Variants in TTC28 observed in about 807,000 individuals in gnomAD.
TTC28 encodes tetratricopeptide repeat domain 28.
In TTC28, 61 loss-of-function variants were observed where a neutral mutation model predicts 198.0. The observed-to-expected ratio is 0.31, with a 90% CI of 0.25 to 0.38. The LOEUF (loss-of-function observed/expected upper bound fraction) is 0.38. Ranked by LOEUF, TTC28 falls within the 10% of genes least tolerant of loss-of-function variation. TTC28 has a pLI of 1.00. For missense variants in TTC28, 2,678 were observed against 3,164.0 expected (o/e 0.85, Z 3.69); for synonymous variants, 1,171 against 1,297.8 (o/e 0.90, Z 2.10).
At chr22:28,148,469 T>C (rs1943525347) in intron 6 of TTC28, among the ~76,000 whole-genome samples, 1 of 151,994 alleles carries the variant, frequency 6.6e-6, no homozygotes, top group East Asian at 1.9e-4. Context: ...AAAAGTTAGC[T>C]AGGCGCGGTG....
chr22:28,410,096 A>AT (rs1414020870), intron 2 of TTC28, among the ~76,000 whole-genome samples: 2 of 151,752 alleles, frequency 1.3e-5, no homozygotes, highest in Non-Finnish European at 2.9e-5. Flanking sequence ...TGATTTTTGT[A>AT]TTTTTTGTAG....
chr22:28,372,578 T>C (rs573411409), intron 2 of TTC28, among the ~76,000 whole-genome samples: 7 of 151,804 alleles, frequency 4.6e-5, no homozygotes, highest in Non-Finnish European at 1.0e-4. Context: ...AAGACACTGA[T>C]GTCTATTTGT....
chr22:28,090,736 A>G (rs1439121976), intron 12 of TTC28, among the ~76,000 whole-genome samples: 1 of 152,242 alleles, frequency 6.6e-6, no homozygotes, highest in African/African-American at 2.4e-5. Flanking sequence ...AAATTTGTAG[A>G]TGAAAAATAA....
At chr22:28,567,380 C>A (rs1407371737) in intron 2 of TTC28, among the ~76,000 whole-genome samples, 1 of 146,120 alleles carries the variant, frequency 6.8e-6, no homozygotes, top group Non-Finnish European at 1.5e-5. Context: ...CACAGCAAGA[C>A]CCTGTCTCAA....
chr22:28,219,442 G>C (rs1052310882), intron 5 of TTC28, among the ~76,000 whole-genome samples: 2 of 151,880 alleles, frequency 1.3e-5, no homozygotes, highest in African/African-American at 4.8e-5. Context: ...CTGGAGGCAG[G>C]GGTTGCAGTG....
At chr22:28,213,868 G>A (rs1040500511) in intron 5 of TTC28, among the ~76,000 whole-genome samples, 7 of 152,124 alleles carry the variant, frequency 4.6e-5, no homozygotes, top group African/African-American at 7.2e-5. Context: ...CACGCTACCC[G>A]ACTTCAAACT....
intron 1 of TTC28, among the ~76,000 whole-genome samples, chr22:28,637,672 A>C (rs2051298160): frequency 6.6e-6 from 1 of 152,178 alleles, no homozygotes; most frequent in South Asian, 2.1e-4. Flanking sequence ...TAATTACTTT[A>C]AGTGTAAATG....
intron 2 of TTC28, among the ~76,000 whole-genome samples, chr22:28,574,960 T>C (rs1477306998): frequency 6.6e-6 from 1 of 152,206 alleles, no homozygotes; most frequent in African/African-American, 2.4e-5. Context: ...GCAAATATCT[T>C]CTCCCACTCT....
chr22:28,570,840 A>C (rs2050048235), intron 2 of TTC28, among the ~76,000 whole-genome samples: 1 of 152,226 alleles, frequency 6.6e-6, no homozygotes, highest in African/African-American at 2.4e-5. Flanking sequence ...GTTGCCTCGA[A>C]AGATCAAGAA....
intron 5 of TTC28, among the ~76,000 whole-genome samples, chr22:28,257,421 C>T (rs1442281569): frequency 1.3e-5 from 2 of 151,712 alleles, no homozygotes; most frequent in African/African-American, 4.8e-5. Flanking sequence ...TATTATTCAG[C>T]CATAAAAAGA....
At chr22:28,602,556 A>G (rs1484921389) in intron 2 of TTC28, among the ~76,000 whole-genome samples, 2 of 152,242 alleles carry the variant, frequency 1.3e-5, no homozygotes, top group Non-Finnish European at 2.9e-5. Flanking sequence ...AACAGTAATA[A>G]TAATAGAAAA....
chr22:28,257,680 C>T (rs1037584327), intron 5 of TTC28, among the ~76,000 whole-genome samples: 1 of 139,010 alleles, frequency 7.2e-6, no homozygotes, highest in Non-Finnish European at 1.5e-5. Context: ...ACTGAACTAA[C>T]TGTATACTTA....
intron 2 of TTC28, among the ~76,000 whole-genome samples, chr22:28,534,232 C>A (rs908867704): frequency 6.6e-6 from 1 of 152,046 alleles, no homozygotes; most frequent in Non-Finnish European, 1.5e-5. Context: ...ATCAAACAAC[C>A]CCATCAAAAA....
At chr22:28,219,125 A>C (rs1332567907) in intron 5 of TTC28, among the ~76,000 whole-genome samples, 2 of 151,958 alleles carry the variant, frequency 1.3e-5, no homozygotes, top group Non-Finnish European at 2.9e-5. Context: ...TTAAGTTCTG[A>C]CTCTGAGACT....
intron 2 of TTC28, among the ~76,000 whole-genome samples, chr22:28,533,301 A>G (rs2049184244): frequency 6.6e-6 from 1 of 152,182 alleles, no homozygotes. Context: ...GCGAACTCCC[A>G]TTCACAATTG....
At chr22:28,625,311 T>C (rs532189809) in intron 2 of TTC28, among the ~76,000 whole-genome samples, 10 of 151,836 alleles carry the variant, frequency 6.6e-5, no homozygotes, top group Non-Finnish European at 1.3e-4. Flanking sequence ...GCATAGAAAA[T>C]CCCAAGGAAT....
chr22:28,656,614 AAACT>A (rs2051659348), intron 1 of TTC28, among the ~76,000 whole-genome samples: 1 of 152,228 alleles, frequency 6.6e-6, no homozygotes, highest in African/African-American at 2.4e-5. Context: ...AAGGACACAC[AAACT>A]ATCTGTTTAA....
chr22:28,118,750 T>A (rs147975440), intron 6 of TTC28, among the ~76,000 whole-genome samples: 1,541 of 152,318 alleles, frequency 0.01, 10 homozygotes, highest in Middle Eastern at 0.02. Flanking sequence ...TGACTATATT[T>A]CTTTCTTTGC....
At position 27,998,351 on chromosome 22, in the gene TTC28, T is replaced by C. The variant is rs1020506023; in HGVS notation, c.5119+189A>G. 5 of 950,880 alleles carry C rather than the reference T, an allele frequency of 5.3e-6. No homozygotes were observed. In the African/African-American group the frequency reaches 6.6e-5, roughly 13 times the overall value. 58.9% of individuals were successfully genotyped at this position (950,880 alleles called of 1,614,324 possible). On this transcript the variant is annotated intron_variant, in intron 16 of 22. Coordinates refer to ENST00000397906, the MANE Select transcript of TTC28 (RefSeq NM_001145418.2). ...GTTCTGTTGCTCCCTGGTCCAAAGATGATCTTAATAGTAGGAAAAACTCAT... is the reference window on the plus strand; with the variant it reads ...GTTCTGTTGCTCCCTGGTCCAAAGACGATCTTAATAGTAGGAAAAACTCAT...
Sources: allele counts gnomAD v4.1 joint callset (sites outside exome capture counted in the v4.1 genomes callset), GRCh38; gene constraint gnomAD v4.1.1; transcripts MANE v1.5; gene names NCBI Gene and HGNC (gene_info 2026-07-23, HGNC 2026-07-21).